The following ZBTB16 variants were observed in gnomAD, a reference collection of about 807,000 sequenced individuals.
ZBTB16 encodes zinc finger and BTB domain containing 16, also known as zinc finger and BTB domain-containing protein 16.
A neutral mutation model predicts 56.8 loss-of-function variants in ZBTB16; 8 were observed. The observed-to-expected ratio is 0.14, with a 90% confidence interval of 0.08 to 0.25. The LOEUF (loss-of-function observed/expected upper bound fraction) is 0.25, where lower values mean the gene tolerates loss of function less well. Ranked by LOEUF, ZBTB16 falls within the 10% of genes least tolerant of loss-of-function variation. The pLI is 1.00. For missense variants in ZBTB16, 625 were observed against 903.0 expected, an observed-to-expected ratio of 0.69 and a Z score of 3.95; for synonymous variants, 363 against 368.5, an observed-to-expected ratio of 0.98 and a Z score of 0.17.
chr11:114,096,265 G>A (rs983219342), intron 2 of ZBTB16, among the ~76,000 whole-genome samples: 3 of 152,164 alleles, frequency 2.0e-5, no homozygotes, highest in African/African-American at 4.8e-5. Context: ...ATATTGGAGA[G>A]CTGGTGTGGT....
At chr11:114,196,408 T>G (rs372206785) in intron 4 of ZBTB16, among the ~76,000 whole-genome samples, 8 of 33,160 alleles carry the variant, frequency 2.4e-4, no homozygotes, top group Admixed American at 7.0e-4. Flanking sequence ...AGAGGCAAGG[T>G]CATTCCTAGG....
intron 2 of ZBTB16, among the ~76,000 whole-genome samples, chr11:114,076,917 G>GT (rs1277345850): frequency 6.6e-6 from 1 of 151,610 alleles, no homozygotes; most frequent in Non-Finnish European, 1.5e-5. Context: ...AGTAGTTTTT[G>GT]TTTTTTTGAG....
intron 4 of ZBTB16, among the ~76,000 whole-genome samples, chr11:114,196,473 C>T (rs187943402): frequency 5.9e-5 from 9 of 152,262 alleles, no homozygotes; most frequent in Non-Finnish European, 1.3e-4. Flanking sequence ...GCCCAGGGTA[C>T]TAGGTTGAAC....
intron 4 of ZBTB16, among the ~76,000 whole-genome samples, chr11:114,222,287 C>T (rs1228697434): frequency 6.6e-6 from 1 of 152,174 alleles, no homozygotes; most frequent in African/African-American, 2.4e-5. Flanking sequence ...CTGTTTAATT[C>T]TCAGTGGCCT....
chr11:114,080,909 T>C (rs1319088036), intron 2 of ZBTB16, among the ~76,000 whole-genome samples: 1 of 152,196 alleles, frequency 6.6e-6, no homozygotes, highest in Non-Finnish European at 1.5e-5. Flanking sequence ...TCCACCTGCT[T>C]TGCAGGCGTG....
intron 2 of ZBTB16, among the ~76,000 whole-genome samples, chr11:114,148,334 TGG>T (rs1491090148): frequency 2.4e-3 from 177 of 74,184 alleles, no homozygotes; most frequent in African/African-American, 8.8e-3. Context: ...CATGGCTGGC[TGG>T]CTTCCTTCCT....
Position 114,059,990 on chromosome 11 carries a change from C to T in ZBTB16, c.-91+108C>T, listed in dbSNP as rs534556126. 1.5e-5 allele frequency: 6 copies of T among 392,446 alleles called. No individual in the cohort carries two copies. Among genetic ancestry groups the T allele is most frequent in the South Asian group, 1.4e-4 (1 of 7,006 alleles). 24.3% of individuals were successfully genotyped at this position (392,446 alleles called of 1,614,324 possible). A position where few individuals can be genotyped will look rare whatever the true frequency, so the allele number is the denominator to read the frequency against. The stretch of plus-strand genomic sequence containing the variant: ...CGCGCGCTCGCTTCGGCCACTCGGC[C>T]GCTGGGCTTGTGCCTTTTTTATTTG... On this transcript the variant is annotated intron_variant, in intron 1 of 6. Coordinates refer to ENST00000335953, the MANE Select transcript of ZBTB16 (RefSeq NM_006006.6). The surrounding 1 kb of genome is among the most constrained non-coding windows in gnomAD (Gnocchi z 5.3).
intron 2 of ZBTB16, among the ~76,000 whole-genome samples, chr11:114,153,074 A>G (rs1942315438): frequency 6.6e-6 from 1 of 152,260 alleles, no homozygotes; most frequent in Non-Finnish European, 1.5e-5. Flanking sequence ...CTATTTCCAC[A>G]TTGGCTGTTC....
intron 4 of ZBTB16, among the ~76,000 whole-genome samples, chr11:114,201,659 T>C (rs1433429455): frequency 6.6e-6 from 1 of 152,180 alleles, no homozygotes; most frequent in Non-Finnish European, 1.5e-5. Flanking sequence ...CCATGATGTT[T>C]TGCATGATAA....
rs1348792215 is a variant in ZBTB16, at chr11:114,250,615, TGAAG to T, written c.*67_*70del. On this transcript the variant is annotated 3_prime_UTR_variant, in exon 7 of 7. Coordinates refer to ENST00000335953, the MANE Select transcript of ZBTB16 (RefSeq NM_006006.6). This position sits in a 1 kb window ranked among gnomAD's most constrained non-coding sequence, Gnocchi z 6.0. ...CCAGGAAAGAAGAGTTGGAGTGAGATGAAGGAAGGACTATGACAAATAAAAAAGG... is the reference window on the plus strand; with the variant it reads ...CCAGGAAAGAAGAGTTGGAGTGAGATGAAGGACTATGACAAATAAAAAAGG... 2 of 1,531,924 alleles carry T rather than the reference TGAAG, an allele frequency of 1.3e-6. No individual in the cohort carries two copies. Among genetic ancestry groups the T allele is most frequent in the African/African-American group, 2.8e-5 (2 of 72,274 alleles). 94.9% of individuals were successfully genotyped at this position (1,531,924 alleles called of 1,614,324 possible).
chr11:114,118,208 G>A (rs1232808180), intron 2 of ZBTB16, among the ~76,000 whole-genome samples: 1 of 152,202 alleles, frequency 6.6e-6, no homozygotes, highest in African/African-American at 2.4e-5. Flanking sequence ...ACAGAGGCTC[G>A]CTCTGTTGCC....
chr11:114,129,964 A>G (rs181111077), intron 2 of ZBTB16, among the ~76,000 whole-genome samples: 12 of 152,362 alleles, frequency 7.9e-5, no homozygotes, highest in African/African-American at 2.6e-4. Context: ...TTGATAAAAT[A>G]TATCAGTGGA....
intron 2 of ZBTB16, among the ~76,000 whole-genome samples, chr11:114,066,468 C>T (rs1037086851): frequency 2.0e-5 from 3 of 152,120 alleles, no homozygotes; most frequent in Non-Finnish European, 2.9e-5. Flanking sequence ...ATCATCTTTC[C>T]GGATGTGAAT....
chr11:114,240,441 A>G (rs1944678513), intron 4 of ZBTB16, among the ~76,000 whole-genome samples: 2 of 151,086 alleles, frequency 1.3e-5, no homozygotes, highest in Admixed American at 1.3e-4. Context: ...CCAGCAGCCA[A>G]AGCTTTACCC....
Position 114,059,833 on chromosome 11 carries a change from A to G in ZBTB16, c.-140A>G. 1 of 396,816 alleles carries G rather than the reference A, an allele frequency of 2.5e-6. No homozygotes were observed. The highest frequency in any genetic ancestry group is 4.4e-6 in the Non-Finnish European group (1 of 225,476). 24.6% of individuals were successfully genotyped at this position (396,816 alleles called of 1,614,324 possible). A position where few individuals can be genotyped will look rare whatever the true frequency, so the allele number is the denominator to read the frequency against. On this transcript the variant is annotated 5_prime_UTR_variant, in exon 1 of 7. Transcript: ENST00000335953. This position sits in a 1 kb window ranked among gnomAD's most constrained non-coding sequence, Gnocchi z 5.3. The stretch of plus-strand genomic sequence containing the variant: ...ACACCCCTCCCCGACACAGGCACAC[A>G]CCCCCCGACAGGCACGCACACCCAC...
chr11:114,068,479 A>G (rs1316901274), intron 2 of ZBTB16, among the ~76,000 whole-genome samples: 1 of 152,210 alleles, frequency 6.6e-6, no homozygotes, highest in Non-Finnish European at 1.5e-5. Flanking sequence ...CCACTGCAGG[A>G]ATGACGTGCT....
chr11:114,142,233 G>A (rs1453739594), intron 2 of ZBTB16, among the ~76,000 whole-genome samples: 3 of 152,176 alleles, frequency 2.0e-5, no homozygotes, highest in East Asian at 1.9e-4. Context: ...GGAGTATGGT[G>A]GGGGCTGCAG....
chr11:114,190,662 A>G (rs979562633), intron 4 of ZBTB16, among the ~76,000 whole-genome samples: 9 of 152,044 alleles, frequency 5.9e-5, no homozygotes, highest in Non-Finnish European at 1.2e-4. Flanking sequence ...GGGTGTGTAC[A>G]TGTATATAAA....
chr11:114,229,477 C>G (rs1410732933), intron 4 of ZBTB16, among the ~76,000 whole-genome samples: 2 of 152,166 alleles, frequency 1.3e-5, no homozygotes, highest in Non-Finnish European at 2.9e-5. Context: ...TGTCATCCCT[C>G]CTGCATATTA....
Sources: allele counts gnomAD v4.1 joint callset (sites outside exome capture counted in the v4.1 genomes callset), GRCh38; gene constraint gnomAD v4.1.1; non-coding constraint Gnocchi (gnomAD v3.1); transcripts MANE v1.5; gene names NCBI Gene and HGNC (gene_info 2026-07-23, HGNC 2026-07-21).